ZNF366: variants seen among roughly 807,000 people sequenced by gnomAD.
ZNF366 encodes zinc finger protein 366, also known as dendritic cell-specific transcript protein.
ZNF366 carries 20 observed loss-of-function variants against 47.2 expected under a neutral mutation model. That is an observed-to-expected ratio of 0.42 (90% CI 0.30 to 0.62). The LOEUF is 0.62. Ranked by LOEUF, ZNF366 falls within the 20% of genes least tolerant of loss-of-function variation. ZNF366 has a pLI of 0.16. For synonymous variants in ZNF366, 421 were observed against 395.1 expected, an observed-to-expected ratio of 1.07 and a Z score of -0.78; for missense variants, 987 against 976.3, an observed-to-expected ratio of 1.01 and a Z score of -0.15.
intron 3 of ZNF366, among the ~76,000 whole-genome samples, chr5:72,449,308 CCACCT>C (rs1743017200): frequency 2.0e-5 from 3 of 148,416 alleles, no homozygotes; most frequent in Admixed American, 1.3e-4. Flanking sequence ...TGCAGTGGTG[CCACCT>C]TGGCTCACTG....
intron 2 of ZNF366, among the ~76,000 whole-genome samples, chr5:72,457,730 T>C (rs1024420228): frequency 1.2e-4 from 19 of 152,268 alleles, no homozygotes; most frequent in African/African-American, 4.1e-4. Context: ...TCGTGTGGCC[T>C]TTTTTAGTGA....
chr5:72,491,417 G>C (rs1744006194), intron 1 of ZNF366, among the ~76,000 whole-genome samples: 1 of 152,186 alleles, frequency 6.6e-6, no homozygotes, highest in Non-Finnish European at 1.5e-5. Context: ...AAAGTACTAA[G>C]TATGTCCAAG....
intron 1 of ZNF366, among the ~76,000 whole-genome samples, chr5:72,497,206 C>A (rs116084592): frequency 6.6e-5 from 10 of 152,208 alleles, no homozygotes; most frequent in Non-Finnish European, 4.4e-5. Flanking sequence ...ACTAAGAAAT[C>A]TTTGCCTAAG....
chr5:72,463,812 C>T (rs1743380326), intron 1 of ZNF366, among the ~76,000 whole-genome samples: 1 of 152,212 alleles, frequency 6.6e-6, no homozygotes, highest in Non-Finnish European at 1.5e-5. Context: ...TCTCTAGATT[C>T]ACATAGAGTT....
intron 2 of ZNF366, among the ~76,000 whole-genome samples, chr5:72,458,746 T>A (rs958742806): frequency 6.6e-6 from 1 of 152,100 alleles, no homozygotes; most frequent in Non-Finnish European, 1.5e-5. Context: ...AAATGAAGAG[T>A]GAAACACCTG....
intron 3 of ZNF366, among the ~76,000 whole-genome samples, chr5:72,455,177 C>T (rs1375290611): frequency 6.6e-6 from 1 of 152,130 alleles, no homozygotes; most frequent in Non-Finnish European, 1.5e-5. Context: ...AGGGAGAAGC[C>T]TCCCTCTCCC....
At chr5:72,476,701 G>A (rs1743680558) in intron 1 of ZNF366, among the ~76,000 whole-genome samples, 1 of 152,210 alleles carries the variant, frequency 6.6e-6, no homozygotes, top group Non-Finnish European at 1.5e-5. Flanking sequence ...TCCCCTGGCA[G>A]CAGTGGGGAG....
intron 3 of ZNF366, among the ~76,000 whole-genome samples, chr5:72,452,250 A>AAGGGAGAGAGAGGGAGGG (rs1169358528): frequency 6.6e-6 from 1 of 152,096 alleles, no homozygotes; most frequent in Non-Finnish European, 1.5e-5. Flanking sequence ...CCTTTCCTCA[A>AAGGGAGAGAGAGGGAGGG]AGGGAGAGAG....
At chr5:72,456,258 G>A (rs2112323849) in intron 3 of ZNF366, 146 bp downstream of exon 3, 1 of 748,364 alleles carries the variant, frequency 1.3e-6, no homozygotes, top group East Asian at 2.5e-5. Flanking sequence ...GAGGGATAGA[G>A]TGGCAGATGG....
chr5:72,459,135 T>C (rs6862221), intron 2 of ZNF366, among the ~76,000 whole-genome samples: 36,048 of 152,170 alleles, frequency 0.24, 4,507 homozygotes, highest in East Asian at 0.44. Flanking sequence ...TTCATCTCTG[T>C]GGCAGAGCCA....
intron 1 of ZNF366, among the ~76,000 whole-genome samples, chr5:72,478,681 G>A (rs1244113769): frequency 6.6e-6 from 1 of 152,202 alleles, no homozygotes; most frequent in Non-Finnish European, 1.5e-5. Context: ...ACATGTTGCT[G>A]TAATAATCAA....
chr5:72,481,563 G>A (rs1188312804), intron 1 of ZNF366, among the ~76,000 whole-genome samples: 2 of 152,112 alleles, frequency 1.3e-5, no homozygotes, highest in Non-Finnish European at 2.9e-5. Context: ...CAAAGTGAAA[G>A]TATATTAATT....
intron 1 of ZNF366, among the ~76,000 whole-genome samples, chr5:72,502,552 T>C (rs1744229419): frequency 6.6e-6 from 1 of 152,220 alleles, no homozygotes. Context: ...TTCCTTATAA[T>C]TGAAGCATAC....
intron 4 of ZNF366, among the ~76,000 whole-genome samples, chr5:72,446,696 A>G (rs368796281): frequency 6.6e-6 from 1 of 152,194 alleles, no homozygotes; most frequent in South Asian, 2.1e-4. Context: ...ACAAGTAGGA[A>G]AGACCTAGCC....
intron 1 of ZNF366, among the ~76,000 whole-genome samples, chr5:72,498,833 C>T (rs1744158974): frequency 1.3e-5 from 2 of 152,150 alleles, no homozygotes; most frequent in African/African-American, 2.4e-5. Context: ...AACCACTGCT[C>T]CTCCCAAAAT....
intron 1 of ZNF366, among the ~76,000 whole-genome samples, chr5:72,463,914 G>A (rs1743382616): frequency 6.6e-6 from 1 of 152,106 alleles, no homozygotes; most frequent in Admixed American, 6.5e-5. Flanking sequence ...GAATTGGAGG[G>A]GAAAATGGAA....
intron 1 of ZNF366, among the ~76,000 whole-genome samples, chr5:72,479,207 A>AT (rs531596553): frequency 1.1e-3 from 163 of 152,214 alleles, no homozygotes; most frequent in Non-Finnish European, 1.9e-3. Flanking sequence ...TGCCCCTATG[A>AT]TTTTTTAAAC....
At chr5:72,461,812 G>A (rs1015937023) in intron 1 of ZNF366, among the ~76,000 whole-genome samples, 1 of 152,126 alleles carries the variant, frequency 6.6e-6, no homozygotes, top group Non-Finnish European at 1.5e-5. Context: ...GGACTAGTTT[G>A]GGAAGAAACC....
chr5:72,494,466 G>T (rs1458680233), intron 1 of ZNF366, among the ~76,000 whole-genome samples: 3 of 152,168 alleles, frequency 2.0e-5, no homozygotes, highest in Non-Finnish European at 4.4e-5. Context: ...AGACATGAAA[G>T]AATTATTAAG....
Sources: allele counts gnomAD v4.1 joint callset (sites outside exome capture counted in the v4.1 genomes callset), GRCh38; gene constraint gnomAD v4.1.1; transcripts MANE v1.5; gene names NCBI Gene and HGNC (gene_info 2026-07-23, HGNC 2026-07-21).